The following XXYLT1 variants were observed in gnomAD, a reference collection of about 807,000 sequenced individuals.
The protein encoded by XXYLT1 is xyloside xylosyltransferase 1, also known as UDP-xylose:alpha-xyloside alpha-1,3-xylosyltransferase.
Under a neutral mutation model 28.9 loss-of-function variants are expected in XXYLT1, and 20 were observed. The observed-to-expected ratio is 0.69, with a 90% CI of 0.49 to 1.00. The LOEUF (loss-of-function observed/expected upper bound fraction) is 1.00, where lower values mean the gene tolerates loss of function less well. XXYLT1 is among the 50% of genes least tolerant of loss of function. The probability of loss-of-function intolerance (pLI) is 0.00; values close to 1 mark genes in which losing one functional copy is unlikely to be tolerated. For missense variants in XXYLT1, 542 were observed against 560.1 expected (o/e 0.97, Z 0.33); for synonymous variants, 257 against 253.8 (o/e 1.01, Z -0.12).
In XXYLT1 at chr3:195,240,350, C is replaced by T. The variant is rs1411193992; in HGVS notation, c.505-13494G>A. 6.6e-6 allele frequency among the ~76,000 whole-genome samples: 1 copy of T among 152,224 alleles called. No individual in the cohort carries two copies. Among genetic ancestry groups the T allele is most frequent in the African/African-American group, 2.4e-5 (1 of 41,458 alleles). Reference sequence around the variant, plus strand: ...TGCCAGGCAGAAGCAGGCGTCTTTGCCACCCAGCCCTGTGCTCGCTGGCAC... The same window carrying T: ...TGCCAGGCAGAAGCAGGCGTCTTTGTCACCCAGCCCTGTGCTCGCTGGCAC... On this transcript the variant is annotated intron_variant, in intron 1 of 3. Transcript: ENST00000310380. This position sits in a 1 kb window ranked among gnomAD's most constrained non-coding sequence, Gnocchi z 4.7.
In XXYLT1 at chr3:195,076,097, C is replaced by G. The variant is rs189172191; in HGVS notation, c.786-5986G>C. 2.0e-5 allele frequency among the ~76,000 whole-genome samples: 3 copies of G among 152,234 alleles called. No homozygotes were observed. Among genetic ancestry groups the G allele is most frequent in the African/African-American group, 7.2e-5 (3 of 41,462 alleles). On this transcript the variant is annotated intron_variant, in intron 3 of 3. Coordinates refer to ENST00000310380, the MANE Select transcript of XXYLT1 (RefSeq NM_152531.5). The surrounding 1 kb of genome is among the most constrained non-coding windows in gnomAD (Gnocchi z 5.3). Reference sequence around the variant, plus strand: ...CCGCCTCCTGGAGCCTCTCCCCGCACGCTGGAGGCTGCCAGGGCCCTGCTT... The same window carrying G: ...CCGCCTCCTGGAGCCTCTCCCCGCAGGCTGGAGGCTGCCAGGGCCCTGCTT...
chr3:195,229,918 A>G (rs60698338), intron 1 of XXYLT1, among the ~76,000 whole-genome samples: 5,894 of 152,260 alleles, frequency 0.039, 381 homozygotes, highest in African/African-American at 0.13. Flanking sequence ...GTGGGATTGC[A>G]GGATCATATG....
At chr3:195,223,923 G>A (rs6779124) in intron 2 of XXYLT1, among the ~76,000 whole-genome samples, 5,011 of 152,238 alleles carry the variant, frequency 0.033, 298 homozygotes, top group African/African-American at 0.11. Context: ...TTGGGAGGCC[G>A]AGGCGGGCGG....
In XXYLT1 at chr3:195,078,769, A is replaced by C. The variant is rs1576999366; in HGVS notation, c.786-8658T>G. Among the ~76,000 whole-genome samples, 1 of 151,126 alleles carries C rather than the reference A, an allele frequency of 6.6e-6. No homozygotes were observed. Among genetic ancestry groups the C allele is most frequent in the African/African-American group, 2.4e-5 (1 of 41,020 alleles). ...CCACACTTCCAGAGCTGTCCTCCCC[A>C]CCTCCCATCGCACCATCCGGCTGGC... On this transcript the variant is annotated intron_variant, in intron 3 of 3. Transcript: ENST00000310380. This position sits in a 1 kb window ranked among gnomAD's most constrained non-coding sequence, Gnocchi z 5.0.
In XXYLT1 at chr3:195,101,185, G is replaced by A. The variant is rs150925049; in HGVS notation, c.786-31074C>T. 2.6e-4 allele frequency among the ~76,000 whole-genome samples: 39 copies of A among 152,378 alleles called. No homozygotes were observed. In the East Asian group the frequency reaches 6.9e-3, roughly 27 times the overall value. ...CACCTTCAGAGCCGCCAGGCCTCTT[G>A]CCAGTGCTATGCCGTCCTTACGGCG... On this transcript the variant is annotated intron_variant, in intron 3 of 3. Coordinates refer to ENST00000310380, the MANE Select transcript of XXYLT1 (RefSeq NM_152531.5).
intron 2 of XXYLT1, among the ~76,000 whole-genome samples, chr3:195,219,685 G>A (rs73067079): frequency 0.055 from 8,398 of 152,288 alleles, 767 homozygotes; most frequent in African/African-American, 0.19. Flanking sequence ...CCACCCAGCA[G>A]CACTGACCCA....
At chr3:195,132,855 A>G (rs927547230) in intron 3 of XXYLT1, among the ~76,000 whole-genome samples, 1 of 152,248 alleles carries the variant, frequency 6.6e-6, no homozygotes. Context: ...TGAGATGCAC[A>G]ATATGATTCT....
chr3:195,103,342 A>ACCTGCGTCCATCACCCCACGCCAGCGG (rs1553802420), intron 3 of XXYLT1, among the ~76,000 whole-genome samples: 678 of 47,744 alleles, frequency 0.014, 79 homozygotes, highest in East Asian at 0.045. Context: ...CACGCCAGCG[A>ACCTGCGTCCATCACCCCACGCCAGCGG]CCTGCGTCCA....
chr3:195,247,865 G>C (rs1186903699), intron 1 of XXYLT1: 2 of 699,664 alleles, frequency 2.9e-6, no homozygotes, highest in South Asian at 1.5e-5. Context: ...AGAGAGAAGG[G>C]GGAAGCGCTA....
At chr3:195,161,774 T>C (rs991369992) in intron 2 of XXYLT1, among the ~76,000 whole-genome samples, 57 of 151,562 alleles carry the variant, frequency 3.8e-4, no homozygotes, top group African/African-American at 1.3e-3. Context: ...CACGCCACCA[T>C]ACCCGGCTAA....
At chr3:195,149,991 G>A (rs965195158) in intron 3 of XXYLT1, among the ~76,000 whole-genome samples, 1 of 152,102 alleles carries the variant, frequency 6.6e-6, no homozygotes, top group Non-Finnish European at 1.5e-5. Context: ...CTAGGAAAGG[G>A]GTTAAGATGC....
intron 3 of XXYLT1, among the ~76,000 whole-genome samples, chr3:195,112,093 C>T (rs892841950): frequency 6.6e-6 from 1 of 152,154 alleles, no homozygotes; most frequent in African/African-American, 2.4e-5. Context: ...ACCAAATCAG[C>T]TTAAGTGAGG....
intron 1 of XXYLT1, among the ~76,000 whole-genome samples, chr3:195,249,100 C>T (rs921568157): frequency 4.6e-5 from 7 of 152,114 alleles, no homozygotes; most frequent in African/African-American, 1.7e-4. Flanking sequence ...ATTGTAGATG[C>T]CCTATTCACA....
intron 2 of XXYLT1, among the ~76,000 whole-genome samples, chr3:195,166,305 C>T (rs1721118023): frequency 6.6e-6 from 1 of 152,116 alleles, no homozygotes; most frequent in Non-Finnish European, 1.5e-5. Context: ...AATTAAATAA[C>T]ATTTGAGTTA....
intron 3 of XXYLT1, among the ~76,000 whole-genome samples, chr3:195,102,982 A>G (rs71317943): frequency 0.12 from 17,801 of 152,192 alleles, 1,189 homozygotes; most frequent in East Asian, 0.26. Context: ...AACAGTGGCT[A>G]TCTCTTGTGT....
chr3:195,071,961 C>T (rs976214288), intron 3 of XXYLT1, among the ~76,000 whole-genome samples: 4 of 152,250 alleles, frequency 2.6e-5, no homozygotes, highest in Admixed American at 6.5e-5. Flanking sequence ...CTGTGGCCGC[C>T]GAGGTCCTGG....
chr3:195,092,864 G>A lies in XXYLT1; in HGVS notation c.786-22753C>T, dbSNP rs567646123. Among the ~76,000 whole-genome samples the A allele has an allele frequency of 4.3e-4, 47 of 110,414 alleles. 17 individuals are homozygous for A. Among genetic ancestry groups the A allele is most frequent in the African/African-American group, 2.2e-3 (46 of 20,920 alleles). The allele number at this position is 110,414 out of a possible 152,430, so 72.4% of individuals were successfully genotyped here. On this transcript the variant is annotated intron_variant, in intron 3 of 3. Transcript: ENST00000310380. ...AACAAACAACCCCATCAAAAAGTGG[G>A]CGAAGGACATGAACAGATACTTCTC...
intron 2 of XXYLT1, 109 bp from the exon 3 acceptor site, chr3:195,156,690 G>C: frequency 7.2e-7 from 1 of 1,397,652 alleles, no homozygotes; most frequent in Non-Finnish European, 9.7e-7. Flanking sequence ...GACTCTTACT[G>C]TTGTCAGTGA....
intron 3 of XXYLT1, among the ~76,000 whole-genome samples, chr3:195,136,323 C>A (rs1719198493): frequency 6.6e-6 from 1 of 152,114 alleles, no homozygotes; most frequent in Admixed American, 6.5e-5. Context: ...CTGCAACCCA[C>A]CCCGGCCCAA....
Sources: gnomAD v4.1 joint callset for allele counts (sites outside exome capture counted in the v4.1 genomes callset) on GRCh38, gnomAD v4.1.1 for gene constraint, Gnocchi (gnomAD v3.1) non-coding constraint, MANE v1.5 for transcripts, NCBI Gene and HGNC (gene_info 2026-07-23, HGNC 2026-07-21) for gene names.